Variants in CAMK4 observed in about 807,000 individuals in gnomAD.
CAMK4 encodes the protein calcium/calmodulin dependent protein kinase IV.
A neutral mutation model predicts 44.9 loss-of-function variants in CAMK4; 22 were observed. The ratio of observed to expected loss-of-function variants is 0.49; its 90% confidence interval spans 0.35 to 0.70. CAMK4 has a LOEUF of 0.70. CAMK4 is among the 30% of genes least tolerant of loss of function. The pLI, the probability that CAMK4 is intolerant of heterozygous loss-of-function variation, is 0.01. For synonymous variants in CAMK4, 218 were observed against 215.4 expected (o/e 1.01, Z -0.11); for missense variants, 498 against 586.8 (o/e 0.85, Z 1.56).
chr5:111,300,912 T>A (rs1204587639), intron 1 of CAMK4, among the ~76,000 whole-genome samples: 1 of 152,228 alleles, frequency 6.6e-6, no homozygotes, highest in Non-Finnish European at 1.5e-5. Context: ...ATCAAATTGT[T>A]TGAAAACATC....
At chr5:111,258,989 C>T (rs1380063415) in intron 1 of CAMK4, among the ~76,000 whole-genome samples, 1 of 152,058 alleles carries the variant, frequency 6.6e-6, no homozygotes, top group Non-Finnish European at 1.5e-5. Flanking sequence ...CTGTCAGCCC[C>T]AAATCCAGGG....
At chr5:111,347,220 A>G (rs1749908080) in intron 2 of CAMK4, among the ~76,000 whole-genome samples, 2 of 152,020 alleles carry the variant, frequency 1.3e-5, no homozygotes, top group Non-Finnish European at 2.9e-5. Flanking sequence ...CAGGCTTTCA[A>G]GGAAGAAATT....
intron 2 of CAMK4, among the ~76,000 whole-genome samples, chr5:111,345,439 A>C (rs1749825518): frequency 1.3e-5 from 2 of 151,966 alleles, no homozygotes; most frequent in African/African-American, 4.8e-5. Flanking sequence ...AGGATTATTA[A>C]AACTTTTATG....
At chr5:111,376,460 G>C (rs1028636518) in intron 3 of CAMK4, among the ~76,000 whole-genome samples, 5 of 152,002 alleles carry the variant, frequency 3.3e-5, no homozygotes, top group African/African-American at 1.2e-4. Flanking sequence ...TTTAAGTTTT[G>C]TAATTCCCAG....
intron 1 of CAMK4, among the ~76,000 whole-genome samples, chr5:111,229,703 A>C (rs1292447561): frequency 6.6e-6 from 1 of 152,174 alleles, no homozygotes; most frequent in African/African-American, 2.4e-5. Flanking sequence ...CACTGCACTT[A>C]GAAGCTCCAG....
intron 5 of CAMK4, among the ~76,000 whole-genome samples, chr5:111,429,516 C>T (rs893655886): frequency 7.9e-5 from 12 of 151,966 alleles, no homozygotes; most frequent in African/African-American, 2.9e-4. Flanking sequence ...CTTGTAATCC[C>T]AGTACTTTGA....
chr5:111,459,936 C>G (rs1258162850), intron 7 of CAMK4, among the ~76,000 whole-genome samples: 1 of 152,018 alleles, frequency 6.6e-6, no homozygotes, highest in Non-Finnish European at 1.5e-5. Context: ...TCAGAAGACA[C>G]TACTTCGAGA....
intron 1 of CAMK4, among the ~76,000 whole-genome samples, chr5:111,330,369 T>C (rs1749112525): frequency 1.3e-5 from 2 of 151,716 alleles, no homozygotes; most frequent in South Asian, 4.1e-4. Flanking sequence ...TGATACACAC[T>C]GTAAATGGAT....
intron 5 of CAMK4, among the ~76,000 whole-genome samples, chr5:111,412,177 A>C (rs192774205): frequency 6.6e-6 from 1 of 152,324 alleles, no homozygotes; most frequent in East Asian, 1.9e-4. Flanking sequence ...AGATTTACAA[A>C]AATGCAGGAA....
At chr5:111,236,815 A>G (rs1748753120) in intron 1 of CAMK4, among the ~76,000 whole-genome samples, 1 of 152,136 alleles carries the variant, frequency 6.6e-6, no homozygotes, top group Admixed American at 6.5e-5. Flanking sequence ...GAGGAACCCC[A>G]TATCTTATCC....
chr5:111,414,978 T>C (rs1752766828), intron 5 of CAMK4, among the ~76,000 whole-genome samples: 1 of 152,178 alleles, frequency 6.6e-6, no homozygotes, highest in African/African-American at 2.4e-5. Flanking sequence ...TCCAATAAAG[T>C]AATTGTAAAA....
rs575518737 is a variant in CAMK4 at position 111,407,144 on chromosome 5, G to C, written c.459+12362G>C. On this transcript the variant is annotated intron_variant, in intron 5 of 10. Coordinates refer to ENST00000282356, the MANE Select transcript of CAMK4 (RefSeq NM_001744.6). ...CAAAGCAGGTGGATCACGAGGTCAGGAGTTCGAAACCAGCCTGGCCAAGAT... is the reference window on the plus strand; with the variant it reads ...CAAAGCAGGTGGATCACGAGGTCAGCAGTTCGAAACCAGCCTGGCCAAGAT... 6.6e-5 allele frequency among the ~76,000 whole-genome samples: 10 copies of C among 152,182 alleles called. No homozygotes were observed. In the South Asian group the frequency reaches 1.9e-3, roughly 28 times the overall value.
intron 1 of CAMK4, among the ~76,000 whole-genome samples, chr5:111,325,131 A>T (rs999859896): frequency 9.2e-5 from 14 of 151,956 alleles, no homozygotes; most frequent in Non-Finnish European, 1.6e-4. Context: ...TAGTTTGCTG[A>T]AAATGATAGC....
At chr5:111,235,471 G>A (rs1415028907) in intron 1 of CAMK4, among the ~76,000 whole-genome samples, 1 of 152,058 alleles carries the variant, frequency 6.6e-6, no homozygotes, top group Non-Finnish European at 1.5e-5. Flanking sequence ...GAGGGACCCT[G>A]GGCTCTTCCT....
At chr5:111,228,509 G>GGTGTGTGTGTGTGTGTGTGTGT (rs373248608) in intron 1 of CAMK4, among the ~76,000 whole-genome samples, 1 of 145,254 alleles carries the variant, frequency 6.9e-6, no homozygotes, top group Non-Finnish European at 1.5e-5. Context: ...CATAGTAAGG[G>GGTGTGTGTGTGTGTGTGTGTGT]GTGTGTGTGT....
intron 5 of CAMK4, among the ~76,000 whole-genome samples, chr5:111,402,179 A>G (rs1389587010): frequency 6.6e-6 from 1 of 152,218 alleles, no homozygotes; most frequent in African/African-American, 2.4e-5. Context: ...TCTCTCCCTC[A>G]TGCCCTCTCG....
chr5:111,262,120 A>G (rs1333839401), intron 1 of CAMK4, among the ~76,000 whole-genome samples: 1 of 151,652 alleles, frequency 6.6e-6, no homozygotes, highest in East Asian at 1.9e-4. Flanking sequence ...ACACAGTTTA[A>G]GGTCCTCATT....
intron 4 of CAMK4, among the ~76,000 whole-genome samples, chr5:111,381,462 C>A (rs1287592352): frequency 6.6e-6 from 1 of 152,146 alleles, no homozygotes; most frequent in South Asian, 2.1e-4. Context: ...AGCTGAAGAA[C>A]TTGGAGTCTG....
chr5:111,464,332 G>T (rs1754749066), intron 7 of CAMK4, among the ~76,000 whole-genome samples: 2 of 152,048 alleles, frequency 1.3e-5, no homozygotes, highest in African/African-American at 4.8e-5. Context: ...AAGAGGTTTG[G>T]GGTTATGTTA....
Sources: gnomAD v4.1 joint callset for allele counts (sites outside exome capture counted in the v4.1 genomes callset) on GRCh38, gnomAD v4.1.1 for gene constraint, MANE v1.5 for transcripts, NCBI Gene and HGNC (gene_info 2026-07-23, HGNC 2026-07-21) for gene names.